The following MDH2 variants were observed in gnomAD, a reference collection of about 807,000 sequenced individuals.
The protein encoded by MDH2 is malate dehydrogenase, mitochondrial.
Under a neutral mutation model 33.6 loss-of-function variants are expected in MDH2, and 25 were observed. That is an observed-to-expected ratio of 0.74 (90% CI 0.54 to 1.04). The LOEUF is 1.04. Among genes scored for constraint, MDH2 ranks in the 50% least tolerant of loss-of-function variants. The probability of loss-of-function intolerance (pLI) is 0.00; values close to 1 mark genes in which losing one functional copy is unlikely to be tolerated. For synonymous variants in MDH2, 193 were observed against 188.7 expected (o/e 1.02, Z -0.19); for missense variants, 432 against 445.0 (o/e 0.97, Z 0.26).
At chr7:76,048,978 CTGCGGG>C (rs1294810202) in intron 1 of MDH2, 1 of 608,956 alleles carries the variant, frequency 1.6e-6, no homozygotes, top group Non-Finnish European at 1.8e-6. Context: ...AAGCTTAAGA[CTGCGGG>C]GGGGGGGGGG....
intron 2 of MDH2, 81 bp from the exon 3 acceptor site, chr7:76,057,329 G>T (rs1374470636): frequency 6.2e-6 from 9 of 1,449,538 alleles, no homozygotes; most frequent in Non-Finnish European, 7.6e-6. Context: ...GCCATTAGTT[G>T]GCCTTAAGGC....
intron 5 of MDH2, among the ~76,000 whole-genome samples, chr7:76,061,660 A>G (rs1390405459): frequency 1.3e-5 from 2 of 150,154 alleles, no homozygotes; most frequent in African/African-American, 4.9e-5. Flanking sequence ...AAAAAAAAAC[A>G]GTTTGAGTGA....
At chr7:76,063,739 G>A in intron 6 of MDH2, 147 bp downstream of exon 6, 1 of 748,234 alleles carries the variant, frequency 1.3e-6, no homozygotes, top group South Asian at 1.6e-5. Context: ...CCGCCCCTCT[G>A]CTGCAGGGCG....
intron 2 of MDH2, among the ~76,000 whole-genome samples, chr7:76,055,216 A>C (rs192069945): frequency 6.6e-6 from 1 of 152,226 alleles, no homozygotes; most frequent in East Asian, 1.9e-4. Context: ...TAATCATCCC[A>C]TTTTCTACTT....
chr7:76,055,225 T>C (rs1797733903), intron 2 of MDH2, among the ~76,000 whole-genome samples: 1 of 152,168 alleles, frequency 6.6e-6, no homozygotes, highest in African/African-American at 2.4e-5. Flanking sequence ...CATTTTCTAC[T>C]TTTTCTAATT....
chr7:76,064,255 G>A (rs1798032095), intron 6 of MDH2, 84 bp from the exon 7 acceptor site: 3 of 931,364 alleles, frequency 3.2e-6, no homozygotes, highest in Non-Finnish European at 4.9e-6. Context: ...GGAGAGGAGA[G>A]GTCGGGAATA....
chr7:76,066,180 G>T, intron 8 of MDH2, 99 bp from the exon 9 acceptor site: 1 of 1,471,796 alleles, frequency 6.8e-7, no homozygotes, highest in Non-Finnish European at 9.2e-7. Context: ...CGCATGTGTA[G>T]AGAGACTCCT....
intron 5 of MDH2, among the ~76,000 whole-genome samples, chr7:76,061,303 C>T (rs191568555): frequency 7.9e-4 from 120 of 152,288 alleles, no homozygotes; most frequent in African/African-American, 2.3e-3. Context: ...GTTTTACTCC[C>T]GAGTGACAGG....
intron 1 of MDH2, among the ~76,000 whole-genome samples, chr7:76,050,810 G>A (rs1797600805): frequency 1.3e-5 from 2 of 152,154 alleles, no homozygotes; most frequent in South Asian, 4.1e-4. Context: ...AAGGTTTTGG[G>A]CCTTGGAGTT....
At chr7:76,055,093 A>T in intron 2 of MDH2, 95 bp downstream of exon 2, 2 of 1,359,686 alleles carry the variant, frequency 1.5e-6, no homozygotes, top group South Asian at 1.5e-5. Flanking sequence ...CTAAATGTTT[A>T]GAGACGGGGG....
At position 76,064,797 on chromosome 7, in the gene MDH2, C is replaced by A. The variant is rs370375376; in HGVS notation, c.734-5C>A. On this transcript the variant is annotated splice_region_variant and splice_polypyrimidine_tract_variant and intron_variant, in intron 7 of 8. Coordinates refer to ENST00000315758, the MANE Select transcript of MDH2 (RefSeq NM_005918.4). The stretch of plus-strand genomic sequence containing the variant: ...AGCCAGGCTGACCTGTCTGTGCCCC[C>A]CTAGGCTCTGCCACCCTCTCCATGG... 134 of 1,613,080 alleles carry A rather than the reference C, an allele frequency of 8.3e-5. No homozygotes were observed. Among genetic ancestry groups the A allele is most frequent in the Non-Finnish European group, 1.1e-4 (128 of 1,179,766 alleles).
chr7:76,056,217 GTAAATA>G (rs1563547660), intron 2 of MDH2, among the ~76,000 whole-genome samples: 1 of 152,148 alleles, frequency 6.6e-6, no homozygotes, highest in African/African-American at 2.4e-5. Context: ...GTTTGCTTCT[GTAAATA>G]TAAATATATT....
chr7:76,056,380 C>T (rs1485399996), intron 2 of MDH2, among the ~76,000 whole-genome samples: 1 of 152,114 alleles, frequency 6.6e-6, no homozygotes, highest in African/African-American at 2.4e-5. Context: ...ATTTCTTTCC[C>T]CTCTGACAGC....
chr7:76,050,174 C>G (rs528645650), intron 1 of MDH2, among the ~76,000 whole-genome samples: 78 of 152,292 alleles, frequency 5.1e-4, no homozygotes, highest in African/African-American at 1.8e-3. Flanking sequence ...GAATCACAGG[C>G]AAGGGCTACG....
chr7:76,048,621 G>A (rs1554584669), intron 1 of MDH2: 1 of 1,277,744 alleles, frequency 7.8e-7, no homozygotes. Flanking sequence ...GCATCCGTGT[G>A]AGTTGTGCGT....
In MDH2 at chr7:76,063,530, C is replaced by T. The variant is rs1158771587; in HGVS notation, c.571C>T (p.Arg191Ter). The T allele has an allele frequency of 2.5e-6, 4 of 1,614,108 alleles. No homozygotes were observed. Among genetic ancestry groups the T allele is most frequent in the East Asian group, 2.2e-5 (1 of 44,900 alleles). Residue 191 changes from arginine (R) to a stop codon, truncating the protein, a stop_gained, in exon 6 of 9, where the codon CGA (arginine) becomes TGA (stop). Transcript: ENST00000315758. LOFTEE classifies it high-confidence loss of function. The stretch of plus-strand genomic sequence containing the variant: ...TGGTCACCAGGGTTTGGATCCAGCT[C>T]GAGTCAACGTCCCTGTCATTGGTGG... ...VAELKGLDPARVNVPVIGGHA... is the reference protein window; with the variant it reads ...VAELKGLDPA
chr7:76,049,750 C>A (rs549296868), intron 1 of MDH2, among the ~76,000 whole-genome samples: 3 of 152,140 alleles, frequency 2.0e-5, no homozygotes, highest in Non-Finnish European at 4.4e-5. Flanking sequence ...TTGCCCCACT[C>A]ATTATAAAGT....
At position 76,066,309 on chromosome 7, in the gene MDH2, G is replaced by A. The variant is rs373968974; in HGVS notation, c.916G>A (p.Gly306Ser). Residue 306 changes from glycine (G) to serine (S), a missense_variant, in exon 9 of 9, where the codon GGC becomes AGC. Coordinates refer to ENST00000315758, the MANE Select transcript of MDH2 (RefSeq NM_005918.4). ...GGGCATCGAGAAGAACCTGGGCATC[G>A]GCAAAGTCTCCTCTTTTGAGGAGAA... ...KKGIEKNLGI[G>S]KVSSFEEKMI... 3.0e-4 allele frequency: 480 copies of A among 1,609,938 alleles called. 5 individuals carry two copies. The South Asian group carries it at 3.8e-3, about 13-fold the overall frequency.
In MDH2 at chr7:76,063,526, A is replaced by G; in HGVS notation, c.567A>G (p.Pro189=). The change falls in exon 6 of 9, where the codon CCA becomes CCG. Residue 189 remains proline (P), a synonymous_variant. Coordinates refer to ENST00000315758, the MANE Select transcript of MDH2 (RefSeq NM_005918.4). The part of the protein sequence containing the change: ...TFVAELKGLD[P]ARVNVPVIGG... ...ACTTTGGTCACCAGGGTTTGGATCC[A>G]GCTCGAGTCAACGTCCCTGTCATTG... is the stretch of plus-strand genomic sequence containing the variant. 6.2e-7 allele frequency: 1 copy of G among 1,614,256 alleles called. No individual in the cohort carries two copies. The highest frequency in any genetic ancestry group is 8.5e-7 in the Non-Finnish European group (1 of 1,180,038).
Sources: allele counts gnomAD v4.1 joint callset (sites outside exome capture counted in the v4.1 genomes callset), GRCh38; gene constraint gnomAD v4.1.1; transcripts MANE v1.5; gene names NCBI Gene and HGNC (gene_info 2026-07-23, HGNC 2026-07-21).